Variants in TBC1D32 observed in about 807,000 individuals in gnomAD.
TBC1D32 encodes protein broad-minded.
In TBC1D32, 151 loss-of-function variants were observed where a neutral mutation model predicts 170.3. The ratio of observed to expected loss-of-function variants is 0.89; its 90% CI spans 0.78 to 1.01. The LOEUF (loss-of-function observed/expected upper bound fraction) is 1.01. Ranked by LOEUF, TBC1D32 falls within the 50% of genes least tolerant of loss-of-function variation. The pLI, the probability that TBC1D32 is intolerant of heterozygous loss-of-function variation, is 0.00. For synonymous variants in TBC1D32, 498 were observed against 488.0 expected (o/e 1.02, Z -0.27); for missense variants, 1,464 against 1,457.1 (o/e 1.00, Z -0.08).
rs1794725505 is a variant in TBC1D32, at chr6:121,223,357, A to G, written c.2365-5T>C. ...GTTCACCAGTGCTAAAAAAGACTAG[A>G]GGGAAAGAAAACAGTCATTTAAATG... On this transcript the variant is annotated splice_polypyrimidine_tract_variant and splice_region_variant and intron_variant, in intron 20 of 31. Transcript: ENST00000398212. 2 of 1,554,124 alleles carry G rather than the reference A, an allele frequency of 1.3e-6. No individual in the cohort carries two copies. The highest frequency in any genetic ancestry group is 8.8e-7 in the Non-Finnish European group (1 of 1,139,528).
chr6:121,333,356 C>CT (rs1338012355), intron 1 of TBC1D32, among the ~76,000 whole-genome samples: 6 of 152,116 alleles, frequency 3.9e-5, no homozygotes, highest in Non-Finnish European at 8.8e-5. Flanking sequence ...CCTCAAATGG[C>CT]ACTTCTATCA....
chr6:121,092,129 T>C (rs1368192031), intron 30 of TBC1D32, among the ~76,000 whole-genome samples: 1 of 152,078 alleles, frequency 6.6e-6, no homozygotes. Context: ...GAAAATAAAT[T>C]TCTGTTGTTT....
chr6:121,273,069 T>G (rs1332661960), intron 15 of TBC1D32, among the ~76,000 whole-genome samples: 1 of 151,350 alleles, frequency 6.6e-6, no homozygotes, highest in East Asian at 2.0e-4. Context: ...TGAGAACTCT[T>G]GGACACAGGG....
At position 121,238,770 on chromosome 6, in the gene TBC1D32, A is replaced by AT. The variant is rs904566585; in HGVS notation, c.2364+299dup. ...TGGTTGGTTTTTCTTTGTTCCAATGATTTTTTTTTTGTAACATGTCTGGTA... is the reference window on the plus strand; with the variant it reads ...TGGTTGGTTTTTCTTTGTTCCAATGATTTTTTTTTTTGTAACATGTCTGGTA... On this transcript the variant is annotated intron_variant, in intron 20 of 31. Transcript: ENST00000398212. 5.4e-4 allele frequency among the ~76,000 whole-genome samples: 80 copies of AT among 149,406 alleles called. 3 individuals are homozygous for AT. The highest frequency in any genetic ancestry group is 1.4e-3 in the African/African-American group (56 of 40,836).
intron 31 of TBC1D32, among the ~76,000 whole-genome samples, chr6:121,081,285 C>T (rs1310471742): frequency 2.0e-5 from 3 of 152,114 alleles, no homozygotes; most frequent in Admixed American, 2.0e-4. Context: ...GTTGTATAAG[C>T]TACTGTCCAT....
chr6:121,272,708 T>A (rs1444406465), intron 15 of TBC1D32, among the ~76,000 whole-genome samples: 1 of 152,196 alleles, frequency 6.6e-6, no homozygotes, highest in African/African-American at 2.4e-5. Context: ...TGGCAATTCA[T>A]CAAGGATCTA....
intron 30 of TBC1D32, among the ~76,000 whole-genome samples, chr6:121,092,293 G>GTT (rs1160372863): frequency 0.013 from 647 of 50,408 alleles, 124 homozygotes; most frequent in Non-Finnish European, 0.022. Context: ...TCAGTTTTAT[G>GTT]TTTTTTTTTT....
At position 121,152,730 on chromosome 6, in the gene TBC1D32, C is replaced by T. The variant is rs530708526; in HGVS notation, c.2773+7280G>A. Reference sequence around the variant, plus strand: ...ATTCTTTTTTCTCTAATCTTGTCTTCATGCTTTATTTCATGAAGCTCATCT... The same window carrying T: ...ATTCTTTTTTCTCTAATCTTGTCTTTATGCTTTATTTCATGAAGCTCATCT... On this transcript the variant is annotated intron_variant, in intron 24 of 31. Transcript: ENST00000398212. Among the ~76,000 whole-genome samples, 3 of 152,220 alleles carry T rather than the reference C, an allele frequency of 2.0e-5. No homozygotes were observed. In the East Asian group the frequency reaches 5.8e-4, roughly 30 times the overall value.
At chr6:121,219,519 T>C (rs1042484251) in intron 21 of TBC1D32, among the ~76,000 whole-genome samples, 1 of 152,224 alleles carries the variant, frequency 6.6e-6, no homozygotes, top group Non-Finnish European at 1.5e-5. Flanking sequence ...AACTAATTTG[T>C]ACTTGTTTCC....
At chr6:121,096,318 T>A (rs1777401233) in intron 30 of TBC1D32, 2 of 152,104 alleles carry the variant, frequency 1.3e-5, no homozygotes, top group African/African-American at 4.8e-5. Context: ...GCCCAAAATC[T>A]CCTTAAGCTG....
rs139746207 is a variant in TBC1D32 at position 121,329,049 on chromosome 6, C to G, written c.155+5227G>C. Reference sequence around the variant, plus strand: ...AGCTCACCACACTTCAGAAGCAGCTCAATTAAAACATACAGCAATGTGTCT... The same window carrying G: ...AGCTCACCACACTTCAGAAGCAGCTGAATTAAAACATACAGCAATGTGTCT... On this transcript the variant is annotated intron_variant, in intron 1 of 31. Transcript: ENST00000398212. Among the ~76,000 whole-genome samples the G allele has an allele frequency of 5.3e-3, 814 of 152,238 alleles. 7 individuals are homozygous for G. Among genetic ancestry groups the G allele is most frequent in the African/African-American group, 0.019 (780 of 41,550 alleles).
chr6:121,126,494 A>G (rs1780870662), intron 25 of TBC1D32, 33 bp from the exon 26 acceptor site: 1 of 1,501,130 alleles, frequency 6.7e-7, no homozygotes, highest in Admixed American at 1.7e-5. Context: ...TAGGATATTA[A>G]AGGTCAGAAT....
At chr6:121,292,304 T>A (rs1804988797) in intron 11 of TBC1D32, 111 bp from the exon 12 acceptor site, 1 of 1,115,600 alleles carries the variant, frequency 9.0e-7, no homozygotes, top group Non-Finnish European at 1.3e-6. Flanking sequence ...ATGGAGACAT[T>A]ACTGGTCAAA....
chr6:121,272,046 C>A (rs1162807150), intron 15 of TBC1D32, among the ~76,000 whole-genome samples: 2 of 152,132 alleles, frequency 1.3e-5, no homozygotes. Context: ...GGAAAACTGG[C>A]TAGCCATATA....
In TBC1D32 at chr6:121,152,214, A is replaced by G. The variant is rs192354680; in HGVS notation, c.2773+7796T>C. 3.7e-3 allele frequency among the ~76,000 whole-genome samples: 570 copies of G among 152,284 alleles called. 1 individual carries two copies. Among genetic ancestry groups the G allele is most frequent in the African/African-American group, 0.013 (527 of 41,580 alleles). ...CAGGCCTGGAGTGACAAAATCCCTC[A>G]GCATTTGTTTGTCTGTAAAGGATTT... On this transcript the variant is annotated intron_variant, in intron 24 of 31. Coordinates refer to ENST00000398212, the MANE Select transcript of TBC1D32 (RefSeq NM_152730.6).
At chr6:121,171,321 T>TAA (rs59558382) in intron 22 of TBC1D32, among the ~76,000 whole-genome samples, 1,620 of 131,756 alleles carry the variant, frequency 0.012, 15 homozygotes, top group Middle Eastern at 0.024. Flanking sequence ...TCTTACAAGT[T>TAA]AAAAAAAAAA....
intron 29 of TBC1D32, among the ~76,000 whole-genome samples, chr6:121,112,104 T>C (rs557126191): frequency 6.6e-5 from 10 of 152,282 alleles, no homozygotes; most frequent in African/African-American, 2.4e-4. Flanking sequence ...TAATTTTCTA[T>C]AGAAAATAGT....
chr6:121,279,316 C>A, intron 14 of TBC1D32, 71 bp from the exon 15 acceptor site: 1 of 1,516,202 alleles, frequency 6.6e-7, no homozygotes, highest in South Asian at 1.3e-5. Context: ...AGACTAAAAT[C>A]CGAGGATTGT....
At chr6:121,084,384 T>C (rs1316940504) in intron 31 of TBC1D32, among the ~76,000 whole-genome samples, 3 of 152,242 alleles carry the variant, frequency 2.0e-5, no homozygotes, top group Middle Eastern at 3.4e-3. Context: ...ATATTCATAG[T>C]GGTCATAAAT....
Sources: gnomAD v4.1 joint callset for allele counts (sites outside exome capture counted in the v4.1 genomes callset) on GRCh38, gnomAD v4.1.1 for gene constraint, MANE v1.5 for transcripts, NCBI Gene and HGNC (gene_info 2026-07-23, HGNC 2026-07-21) for gene names.